Variants in SNRPG observed in about 807,000 individuals in gnomAD.
SNRPG encodes small nuclear ribonucleoprotein G.
A neutral mutation model predicts 13.9 loss-of-function variants in SNRPG; 3 were observed. The ratio of observed to expected loss-of-function variants is 0.22; its 90% CI spans 0.10 to 0.56. SNRPG has a LOEUF of 0.56. Among genes scored for constraint, SNRPG ranks in the 20% least tolerant of loss-of-function variants. SNRPG has a pLI of 0.93. For missense variants in SNRPG, 34 were observed against 96.1 expected, an observed-to-expected ratio of 0.35 and a Z score of 2.70; for synonymous variants, 29 against 29.3, an observed-to-expected ratio of 0.99 and a Z score of 0.03.
intron 2 of SNRPG, among the ~76,000 whole-genome samples, 172 bp from the exon 3 acceptor site, chr2:70,288,364 T>A (rs1696994602): frequency 1.3e-5 from 2 of 151,848 alleles, no homozygotes; most frequent in Non-Finnish European, 1.5e-5. Flanking sequence ...CATTTTAATT[T>A]ATAAGAATCC....
intron 1 of SNRPG, 137 bp downstream of exon 1, chr2:70,293,481 C>T (rs1271394681): frequency 8.3e-6 from 7 of 838,396 alleles, no homozygotes; most frequent in Admixed American, 1.8e-5. Context: ...GGAGCCTGGC[C>T]GGGATCCCGG....
chr2:70,293,204 G>A (rs1258225223), intron 1 of SNRPG: 1 of 702,278 alleles, frequency 1.4e-6, no homozygotes, highest in African/African-American at 1.7e-5. Context: ...GCCTCACGTA[G>A]TTTTAAAAAC....
Position 70,281,519 on chromosome 2 carries a change from A to G in SNRPG, c.*115T>C, listed in dbSNP as rs1696782867. 1.8e-6 allele frequency: 1 copy of G among 550,048 alleles called. No homozygotes were observed. Among genetic ancestry groups the G allele is most frequent in the Non-Finnish European group, 3.2e-6 (1 of 310,142 alleles). 34.1% of individuals were successfully genotyped at this position (550,048 alleles called of 1,614,324 possible). ...TGAGAAAGCATTTTTGACTATTACA[A>G]AAGTTTATTTAACAAAAAGTCTAAT... On this transcript the variant is annotated 3_prime_UTR_variant, in exon 4 of 4. Coordinates refer to ENST00000272348, the MANE Select transcript of SNRPG (RefSeq NM_003096.4).
At chr2:70,282,341 TC>T in intron 3 of SNRPG, among the ~76,000 whole-genome samples, 1 of 152,106 alleles carries the variant, frequency 6.6e-6, no homozygotes, top group Non-Finnish European at 1.5e-5. Context: ...AGGTATGAGA[TC>T]ATTTAGGGAA....
intron 3 of SNRPG, among the ~76,000 whole-genome samples, chr2:70,283,450 TAGAGTA>T (rs1288742521): frequency 2.0e-5 from 3 of 152,204 alleles, no homozygotes; most frequent in Non-Finnish European, 4.4e-5. Flanking sequence ...TATAGGCAGC[TAGAGTA>T]AAAGTAGTTG....
intron 3 of SNRPG, among the ~76,000 whole-genome samples, chr2:70,284,397 T>G (rs1386995951): frequency 6.6e-6 from 1 of 152,210 alleles, no homozygotes; most frequent in Non-Finnish European, 1.5e-5. Context: ...ATTATTATTT[T>G]TTTTGAAACA....
chr2:70,285,501 G>A (rs924914284), intron 3 of SNRPG, among the ~76,000 whole-genome samples: 2 of 152,018 alleles, frequency 1.3e-5, no homozygotes, highest in African/African-American at 4.8e-5. Flanking sequence ...GAACCCAGGA[G>A]GCGGAGGTTG....
chr2:70,281,728 CAG>C, intron 3 of SNRPG, 44 bp from the exon 4 acceptor site: 1 of 1,005,482 alleles, frequency 9.9e-7, no homozygotes, highest in Non-Finnish European at 1.6e-6. Flanking sequence ...ACTCAGGTAA[CAG>C]ACATAACTAT....
intron 2 of SNRPG, 134 bp from the exon 3 acceptor site, chr2:70,288,326 G>A (rs1696993743): frequency 1.5e-6 from 1 of 679,294 alleles, no homozygotes. Flanking sequence ...GACAAGAACT[G>A]GGTTAAACAT....
At chr2:70,291,156 G>T (rs974583884) in intron 1 of SNRPG, 3 of 151,938 alleles carry the variant, frequency 2.0e-5, no homozygotes, top group Non-Finnish European at 4.4e-5. Context: ...TGCAATTATG[G>T]TCTATCATTT....
intron 3 of SNRPG, among the ~76,000 whole-genome samples, chr2:70,284,768 A>T (rs1051439103): frequency 6.6e-6 from 1 of 152,196 alleles, no homozygotes; most frequent in Non-Finnish European, 1.5e-5. Flanking sequence ...AAGAAAAGCT[A>T]GCCTTCCTGC....
chr2:70,288,445 G>T (rs1696996495), intron 2 of SNRPG, among the ~76,000 whole-genome samples: 1 of 152,096 alleles, frequency 6.6e-6, no homozygotes, highest in African/African-American at 2.4e-5. Context: ...TTTTTATAAA[G>T]ATGGGGGCTC....
chr2:70,287,326 C>T (rs928561064), intron 3 of SNRPG: 2 of 702,716 alleles, frequency 2.8e-6, no homozygotes, highest in Non-Finnish European at 5.2e-6. Context: ...TTTTGGTTCA[C>T]CTTTTTCAAG....
intron 2 of SNRPG, among the ~76,000 whole-genome samples, chr2:70,288,455 C>A: frequency 6.6e-6 from 1 of 152,184 alleles, no homozygotes; most frequent in East Asian, 1.9e-4. Context: ...GATGGGGGCT[C>A]CCTATGTTGC....
intron 1 of SNRPG, among the ~76,000 whole-genome samples, chr2:70,291,515 T>C (rs1270345998): frequency 2.0e-5 from 3 of 152,174 alleles, no homozygotes. Flanking sequence ...CAGTAGGATG[T>C]TTAGCAGCAC....
At chr2:70,289,459 CT>C (rs1697025078) in intron 1 of SNRPG, 87 bp from the exon 2 acceptor site, 1 of 679,664 alleles carries the variant, frequency 1.5e-6, no homozygotes, top group Non-Finnish European at 2.5e-6. Flanking sequence ...AGATAATTTG[CT>C]AAAATTTATA....
intron 1 of SNRPG, chr2:70,293,061 A>T: frequency 1.4e-6 from 1 of 691,880 alleles, no homozygotes; most frequent in South Asian, 1.5e-5. Context: ...TAGTTTCAAC[A>T]TCAGAGCAAG....
intron 3 of SNRPG, among the ~76,000 whole-genome samples, chr2:70,285,067 C>T (rs557088535): frequency 2.6e-5 from 4 of 152,234 alleles, no homozygotes; most frequent in Admixed American, 6.5e-5. Context: ...TACTTGTGTT[C>T]AAGTAACCCT....
intron 3 of SNRPG, chr2:70,287,205 T>C: frequency 1.5e-6 from 1 of 661,426 alleles, no homozygotes; most frequent in Admixed American, 2.4e-5. Flanking sequence ...TCTTCAACTT[T>C]ACTGCTCAAA....
Sources: gnomAD v4.1 joint callset for allele counts (sites outside exome capture counted in the v4.1 genomes callset) on GRCh38, gnomAD v4.1.1 for gene constraint, MANE v1.5 for transcripts, NCBI Gene and HGNC (gene_info 2026-07-23, HGNC 2026-07-21) for gene names.